Variants in WDR20 observed in about 807,000 individuals in gnomAD.
WDR20 encodes WD repeat-containing protein 20.
In WDR20, 3 loss-of-function variants were observed where a neutral mutation model predicts 38.7. The observed-to-expected ratio is 0.08, with a 90% confidence interval of 0.04 to 0.20. WDR20 has a LOEUF of 0.20. Ranked by LOEUF, WDR20 falls within the 10% of genes least tolerant of loss-of-function variation. The pLI is 1.00. For synonymous variants in WDR20, 298 were observed against 285.6 expected, an observed-to-expected ratio of 1.04 and a Z score of -0.44; for missense variants, 559 against 727.7, an observed-to-expected ratio of 0.77 and a Z score of 2.67.
At chr14:102,200,275 A>G (rs566790136) in intron 2 of WDR20, among the ~76,000 whole-genome samples, 90 of 152,288 alleles carry the variant, frequency 5.9e-4, no homozygotes, top group African/African-American at 2.1e-3. Context: ...TGTACATATG[A>G]TGCCCTTGAA....
At chr14:102,219,144 T>A (rs2063586453), downstream of WDR20, among the ~76,000 whole-genome samples, 1 of 152,178 alleles carries the variant, frequency 6.6e-6, no homozygotes, top group Non-Finnish European at 1.5e-5. Context: ...GGGGCCTAGG[T>A]GTCTGTTTCT....
rs138804457 is a variant in WDR20 at position 102,163,565 on chromosome 14, C to G, written c.249+23393C>G. On this transcript the variant is annotated intron_variant, in intron 1 of 2. Coordinates refer to ENST00000342702, the MANE Select transcript of WDR20 (RefSeq NM_144574.4). ...ATTGCTGGAACCCAGTGGGCAGAGG[C>G]TACAGTGAGCCAAGATTGCGCCGCT... 8.4e-3 allele frequency among the ~76,000 whole-genome samples: 1,085 copies of G among 129,494 alleles called. 19 individuals carry two copies. Among genetic ancestry groups the G allele is most frequent in the African/African-American group, 0.03 (1,012 of 34,038 alleles). 85.0% of individuals were successfully genotyped at this position (129,494 alleles called of 152,430 possible).
chr14:102,213,952 G>C, downstream of WDR20: 1 of 985,456 alleles, frequency 1.0e-6, no homozygotes, highest in Non-Finnish European at 1.2e-6. Flanking sequence ...TCTGGGGAAC[G>C]ATTCATGGAA....
At chr14:102,139,875 G>T (rs764323062), upstream of WDR20, 1 of 1,594,802 alleles carries the variant, frequency 6.3e-7, no homozygotes, top group Admixed American at 1.7e-5. Context: ...GCGCCTGCGC[G>T]GTGGGCGTGA....
intron 2 of WDR20, among the ~76,000 whole-genome samples, chr14:102,199,347 C>T (rs747814271): frequency 1.5e-4 from 23 of 151,940 alleles, no homozygotes; most frequent in Non-Finnish European, 2.8e-4. Flanking sequence ...GGTGGATGCT[C>T]AGCAACGTGG....
chr14:102,148,708 T>TGTGTGTGTGTGTG (rs775248416), intron 1 of WDR20, among the ~76,000 whole-genome samples: 3 of 129,142 alleles, frequency 2.3e-5, no homozygotes, highest in African/African-American at 8.3e-5. Flanking sequence ...TGTGTGTGTG[T>TGTGTGTGTGTGTG]TTGGAACAGG....
At chr14:102,212,776 A>T (rs2062720524), downstream of WDR20, 2 of 1,346,744 alleles carry the variant, frequency 1.5e-6, no homozygotes, top group South Asian at 2.0e-5. Context: ...TGGGGAAAAT[A>T]TTTGTAGTTT....
intron 1 of WDR20, among the ~76,000 whole-genome samples, chr14:102,170,932 C>A (rs951217782): frequency 2.6e-5 from 4 of 151,984 alleles, no homozygotes; most frequent in African/African-American, 7.3e-5. Context: ...TCTTCTTCCT[C>A]CTCCTTGGGA....
chr14:102,206,750 G>A (rs1388781048), intron 2 of WDR20, among the ~76,000 whole-genome samples: 1 of 152,188 alleles, frequency 6.6e-6, no homozygotes, highest in Non-Finnish European at 1.5e-5. Flanking sequence ...GTACAGTTGT[G>A]TTTGTGGGAT....
intron 1 of WDR20, chr14:102,178,796 C>T (rs1566934901): frequency 6.6e-6 from 1 of 152,016 alleles, no homozygotes; most frequent in African/African-American, 2.4e-5. Flanking sequence ...CATCACAGCT[C>T]CCATTTACTG....
intron 1 of WDR20, among the ~76,000 whole-genome samples, chr14:102,152,137 G>A (rs905828824): frequency 1.3e-5 from 2 of 151,688 alleles, no homozygotes; most frequent in South Asian, 4.2e-4. Context: ...GCTGGTCTTG[G>A]ACTCCTGACC....
In WDR20 at chr14:102,143,866, T is replaced by C. The variant is rs539435615; in HGVS notation, c.249+3694T>C. Among the ~76,000 whole-genome samples, 6 of 151,856 alleles carry C rather than the reference T, an allele frequency of 4.0e-5. No homozygotes were observed. The East Asian group carries it at 1.2e-3, about 30-fold the overall frequency. ...CCGTAAACATCTTTATTACATACTT[T>C]GTTCTCCTTTTTTAAAAAAAGAGAT... On this transcript the variant is annotated intron_variant, in intron 1 of 2. Coordinates refer to ENST00000342702, the MANE Select transcript of WDR20 (RefSeq NM_144574.4).
chr14:102,143,956 C>T (rs1207386386), intron 1 of WDR20, among the ~76,000 whole-genome samples: 3 of 151,524 alleles, frequency 2.0e-5, no homozygotes, highest in Non-Finnish European at 2.9e-5. Flanking sequence ...GTGGGAGGAT[C>T]GCTTGAGCCC....
chr14:102,197,645 T>A lies in WDR20; in HGVS notation c.432+2525T>A, dbSNP rs563389155. 1.5e-5 allele frequency: 9 copies of A among 589,170 alleles called. No individual in the cohort carries two copies. The East Asian group carries it at 2.5e-4, about 17-fold the overall frequency. 36.5% of individuals were successfully genotyped at this position (589,170 alleles called of 1,614,324 possible). A position where few individuals can be genotyped will look rare whatever the true frequency, so the allele number is the denominator to read the frequency against. On this transcript the variant is annotated intron_variant, in intron 2 of 2. Transcript: ENST00000342702. ...GATAAATTGGAACCAGCTTGTCTTATAAAAGCCTTTTCATGTCACGTGAAG... is the reference window on the plus strand; with the variant it reads ...GATAAATTGGAACCAGCTTGTCTTAAAAAAGCCTTTTCATGTCACGTGAAG...
upstream of WDR20, chr14:102,139,640 A>G (rs1379624437): frequency 1.6e-5 from 10 of 641,778 alleles, no homozygotes; most frequent in Non-Finnish European, 2.7e-5. Context: ...CACTAGCTGA[A>G]GCCGGCATCA....
At chr14:102,206,279 G>A (rs946228686) in intron 2 of WDR20, among the ~76,000 whole-genome samples, 4 of 152,184 alleles carry the variant, frequency 2.6e-5, no homozygotes, top group African/African-American at 4.8e-5. Flanking sequence ...GAGCCGCCGC[G>A]CCTGGCCACA....
At chr14:102,187,692 T>G (rs2065215427) in intron 1 of WDR20, among the ~76,000 whole-genome samples, 1 of 151,776 alleles carries the variant, frequency 6.6e-6, no homozygotes, top group Non-Finnish European at 1.5e-5. Context: ...TAGGGCGAAT[T>G]GCATGTGATT....
intron 1 of WDR20, among the ~76,000 whole-genome samples, chr14:102,181,281 C>CCA (rs901981814): frequency 6.6e-5 from 10 of 152,086 alleles, no homozygotes; most frequent in Admixed American, 5.9e-4. Flanking sequence ...AGCAAGAAGA[C>CCA]CACAGGTGAG....
At chr14:102,172,750 C>T (rs1259352340) in intron 1 of WDR20, among the ~76,000 whole-genome samples, 4 of 148,986 alleles carry the variant, frequency 2.7e-5, no homozygotes, top group African/African-American at 5.0e-5. Flanking sequence ...GGCTGCCGGG[C>T]GGAGACGCTC....
Sources: allele counts gnomAD v4.1 joint callset (sites outside exome capture counted in the v4.1 genomes callset), GRCh38; gene constraint gnomAD v4.1.1; transcripts MANE v1.5; gene names NCBI Gene and HGNC (gene_info 2026-07-23, HGNC 2026-07-21).